Variants in CPED1 observed in about 807,000 individuals in gnomAD.
The protein encoded by CPED1 is cadherin like and PC-esterase domain containing 1.
Under a neutral mutation model 128.2 loss-of-function variants are expected in CPED1, and 114 were observed. The observed-to-expected ratio is 0.89, with a 90% CI of 0.76 to 1.04. CPED1 has a LOEUF of 1.04. Among genes scored for constraint, CPED1 ranks in the 50% least tolerant of loss-of-function variants. The probability of loss-of-function intolerance (pLI) is 0.00; values close to 1 mark genes in which losing one functional copy is unlikely to be tolerated. For synonymous variants in CPED1, 462 were observed against 426.7 expected (o/e 1.08, Z -1.02); for missense variants, 1,211 against 1,207.1 (o/e 1.00, Z -0.05).
chr7:121,286,344 AG>A (rs1422347766), intron 22 of CPED1, among the ~76,000 whole-genome samples: 1 of 152,128 alleles, frequency 6.6e-6, no homozygotes, highest in African/African-American at 2.4e-5. Flanking sequence ...AGACATTCCA[AG>A]TTGCATCTGA....
At chr7:121,080,521 G>A (rs1404953782) in intron 5 of CPED1, among the ~76,000 whole-genome samples, 1 of 152,114 alleles carries the variant, frequency 6.6e-6, no homozygotes, top group Non-Finnish European at 1.5e-5. Flanking sequence ...CAGGGGCTCT[G>A]CCTGGGGATT....
chr7:121,113,154 C>G (rs1358345666), intron 7 of CPED1, among the ~76,000 whole-genome samples: 1 of 152,122 alleles, frequency 6.6e-6, no homozygotes, highest in African/African-American at 2.4e-5. Flanking sequence ...GGAGCCAAAA[C>G]AACTCAAGGA....
In CPED1 at chr7:120,997,263, A is replaced by G. The variant is rs143593600; in HGVS notation, c.249+7393A>G. ...CTATTTATAAATGAAGGAACATTAG[A>G]ATGTTAGAACTGCAAATAAGTTAGA... On this transcript the variant is annotated intron_variant, in intron 2 of 22. Coordinates refer to ENST00000310396, the MANE Select transcript of CPED1 (RefSeq NM_024913.5). Among the ~76,000 whole-genome samples the G allele has an allele frequency of 4.5e-3, 682 of 152,364 alleles. 5 individuals are homozygous for G. The highest frequency in any genetic ancestry group is 0.015 in the African/African-American group (642 of 41,584).
At chr7:121,293,477 G>A (rs549325508) in intron 22 of CPED1, among the ~76,000 whole-genome samples, 5 of 152,244 alleles carry the variant, frequency 3.3e-5, no homozygotes, top group African/African-American at 1.2e-4. Flanking sequence ...AGACCACTCA[G>A]CTCTCTGGCT....
intron 16 of CPED1, among the ~76,000 whole-genome samples, chr7:121,167,408 C>A (rs1303610553): frequency 6.6e-6 from 1 of 152,156 alleles, no homozygotes; most frequent in African/African-American, 2.4e-5. Context: ...AAAAAGAGTT[C>A]TTTGGAATGC....
chr7:121,255,527 C>A (rs1798781137), intron 18 of CPED1, among the ~76,000 whole-genome samples: 1 of 151,996 alleles, frequency 6.6e-6, no homozygotes, highest in Non-Finnish European at 1.5e-5. Flanking sequence ...CCTACTCTTA[C>A]CACTCCTATT....
In CPED1 at chr7:121,064,249, A is replaced by G; in HGVS notation, c.552A>G (p.Leu184=). 2 of 1,607,650 alleles carry G rather than the reference A, an allele frequency of 1.2e-6. No homozygotes were observed. Among genetic ancestry groups the G allele is most frequent in the East Asian group, 2.2e-5 (1 of 44,840 alleles). Residue 184 remains leucine (L), a synonymous_variant, in exon 5 of 23, where the codon TTA becomes TTG. Coordinates refer to ENST00000310396, the MANE Select transcript of CPED1 (RefSeq NM_024913.5). ...TTCATTCCTTTCAGGCAAACAGATTACCAGAAATACAGCAGCCACTTTGCA... is the reference window on the plus strand; with the variant it reads ...TTCATTCCTTTCAGGCAAACAGATTGCCAGAAATACAGCAGCCACTTTGCA... ...QLGLHQKANR[L]PEIQQPLCRK... is the part of the protein sequence containing the mutation.
chr7:121,068,707 G>T lies in CPED1; in HGVS notation c.616+4394G>T, dbSNP rs1164694446. ...TTGAATCTATAAATTACCTTGGGCA[G>T]TATGGCCATTTTCACAATATTGATT... On this transcript the variant is annotated intron_variant, in intron 5 of 22. Transcript: ENST00000310396. 3.3e-5 allele frequency among the ~76,000 whole-genome samples: 5 copies of T among 150,406 alleles called. No individual in the cohort carries two copies. In the East Asian group the frequency reaches 9.8e-4, roughly 29 times the overall value.
At chr7:121,159,635 C>T (rs1312756282) in intron 16 of CPED1, among the ~76,000 whole-genome samples, 2 of 152,088 alleles carry the variant, frequency 1.3e-5, no homozygotes, top group African/African-American at 2.4e-5. Flanking sequence ...GGCGTGGATT[C>T]CCCAACCCAT....
chr7:121,077,279 T>G (rs1784131229), intron 5 of CPED1, among the ~76,000 whole-genome samples: 1 of 152,156 alleles, frequency 6.6e-6, no homozygotes, highest in Admixed American at 6.6e-5. Flanking sequence ...TTTCTAGCCA[T>G]CCATGAGAAG....
At chr7:121,009,548 A>C (rs2116792496) in intron 2 of CPED1, among the ~76,000 whole-genome samples, 1 of 148,670 alleles carries the variant, frequency 6.7e-6, no homozygotes, top group Admixed American at 6.8e-5. Context: ...AGGAGGTTGT[A>C]GTAAGCCTAG....
At chr7:121,100,711 A>T (rs1794828880) in intron 7 of CPED1, among the ~76,000 whole-genome samples, 1 of 152,202 alleles carries the variant, frequency 6.6e-6, no homozygotes, top group Non-Finnish European at 1.5e-5. Context: ...TTTGAAAGAA[A>T]TTTTGATTTT....
At chr7:121,002,744 T>C (rs1791894383) in intron 2 of CPED1, among the ~76,000 whole-genome samples, 1 of 152,168 alleles carries the variant, frequency 6.6e-6, no homozygotes, top group Non-Finnish European at 1.5e-5. Flanking sequence ...AGATAAACTG[T>C]ATTTGCGGAA....
chr7:121,124,617 T>C lies in CPED1; in HGVS notation c.1061+144T>C, dbSNP rs1584529408. On this transcript the variant is annotated intron_variant, in intron 8 of 22. Coordinates refer to ENST00000310396, the MANE Select transcript of CPED1 (RefSeq NM_024913.5). ...ATGTCAATATACAAACATGATCTTC[T>C]AAACATATGTGGCCATATTTATAGA... 9.3e-6 allele frequency: 5 copies of C among 537,786 alleles called. No homozygotes were observed. The East Asian group carries it at 1.7e-4, about 18-fold the overall frequency. The allele number at this position is 537,786 out of a possible 1,614,324, so 33.3% of individuals were successfully genotyped here.
intron 12 of CPED1, 88 bp from the exon 13 acceptor site, chr7:121,133,735 T>C (rs1185028776): frequency 2.3e-6 from 2 of 874,842 alleles, no homozygotes; most frequent in South Asian, 1.6e-5. Flanking sequence ...ACTGTGCCCA[T>C]ACAGAAGAAA....
chr7:120,995,096 C>T (rs1248033887), intron 2 of CPED1, among the ~76,000 whole-genome samples: 2 of 152,172 alleles, frequency 1.3e-5, no homozygotes, highest in African/African-American at 4.8e-5. Flanking sequence ...TTCTTTGTAC[C>T]TGGCAATCTA....
At chr7:121,187,565 C>T (rs771052664) in intron 16 of CPED1, among the ~76,000 whole-genome samples, 1 of 152,032 alleles carries the variant, frequency 6.6e-6, no homozygotes, top group Non-Finnish European at 1.5e-5. Flanking sequence ...GCACCTCAGC[C>T]TCATAATCTC....
chr7:121,012,544 A>G (rs945368618), intron 2 of CPED1, among the ~76,000 whole-genome samples: 1 of 152,232 alleles, frequency 6.6e-6, no homozygotes, highest in Non-Finnish European at 1.5e-5. Context: ...TTAGCATTTG[A>G]TGATCTCGCA....
chr7:121,006,934 C>A (rs1269975238), intron 2 of CPED1, among the ~76,000 whole-genome samples: 1 of 151,988 alleles, frequency 6.6e-6, no homozygotes, highest in Non-Finnish European at 1.5e-5. Context: ...AGTATAGGTT[C>A]CTTCACATTG....
Sources: allele counts gnomAD v4.1 joint callset (sites outside exome capture counted in the v4.1 genomes callset), GRCh38; gene constraint gnomAD v4.1.1; transcripts MANE v1.5; gene names NCBI Gene and HGNC (gene_info 2026-07-23, HGNC 2026-07-21).